The following SGCZ variants were observed in gnomAD, a reference collection of about 807,000 sequenced individuals.
The protein encoded by SGCZ is zeta-sarcoglycan.
SGCZ carries 40 observed loss-of-function variants against 41.3 expected under a neutral mutation model. That is an observed-to-expected ratio of 0.97 (90% CI 0.75 to 1.26). SGCZ has a LOEUF of 1.26. SGCZ is among the 50% of genes most tolerant of loss of function. SGCZ has a pLI of 0.00. For synonymous variants in SGCZ, 206 were observed against 137.5 expected, an observed-to-expected ratio of 1.50 and a Z score of -3.49; for missense variants, 552 against 369.8, an observed-to-expected ratio of 1.49 and a Z score of -4.04.
At chr8:15,118,332 T>C (rs1217807272) in intron 1 of SGCZ, among the ~76,000 whole-genome samples, 1 of 152,158 alleles carries the variant, frequency 6.6e-6, no homozygotes, top group Non-Finnish European at 1.5e-5. Flanking sequence ...GTCTTGGAAC[T>C]TCCAGCTAGT....
Position 15,008,729 on chromosome 8 carries a change from G to A in SGCZ, c.39+228856C>T, listed in dbSNP as rs191577195. ...AAAGGGGAGGAGGGAGGGGAGGAGG[G>A]GGGAGGAGGGAGGGGAAGAGGGGGG... On this transcript the variant is annotated intron_variant, in intron 1 of 7. Transcript: ENST00000382080. Among the ~76,000 whole-genome samples the A allele has an allele frequency of 6.1e-3, 367 of 60,512 alleles. 2 individuals are homozygous for A. The highest frequency in any genetic ancestry group is 0.01 in the East Asian group (12 of 1,162). The allele number at this position is 60,512 out of a possible 152,430, so 39.7% of individuals were successfully genotyped here. A position where few individuals can be genotyped will look rare whatever the true frequency, so the allele number is the denominator to read the frequency against.
intron 1 of SGCZ, among the ~76,000 whole-genome samples, chr8:15,018,641 G>A (rs1306168025): frequency 1.3e-5 from 2 of 152,172 alleles, no homozygotes; most frequent in South Asian, 2.1e-4. Flanking sequence ...GGACAGAGGG[G>A]AGAAGGTAAG....
intron 2 of SGCZ, among the ~76,000 whole-genome samples, chr8:14,432,853 G>T (rs1799981749): frequency 7.1e-6 from 1 of 141,320 alleles, no homozygotes; most frequent in Non-Finnish European, 1.5e-5. Context: ...GGAGGAGGTT[G>T]CAGTAAGCCA....
At position 14,895,044 on chromosome 8, in the gene SGCZ, G is replaced by T. The variant is rs190079119; in HGVS notation, c.40-340118C>A. 7.4e-4 allele frequency among the ~76,000 whole-genome samples: 113 copies of T among 152,284 alleles called. No homozygotes were observed. In the East Asian group the frequency reaches 0.02, roughly 27 times the overall value. On this transcript the variant is annotated intron_variant, in intron 1 of 7. Coordinates refer to ENST00000382080, the MANE Select transcript of SGCZ (RefSeq NM_139167.4). ...AATAATATATTACTTTACTTCAGTT[G>T]TATTAGGAATAACATGAATGATCTA...
At chr8:14,643,462 G>A (rs1173039236) in intron 1 of SGCZ, among the ~76,000 whole-genome samples, 1 of 151,296 alleles carries the variant, frequency 6.6e-6, no homozygotes, top group South Asian at 2.1e-4. Context: ...AATTAGAAGG[G>A]GTAGAGTTTT....
intron 1 of SGCZ, among the ~76,000 whole-genome samples, chr8:14,884,236 TG>T (rs1804702801): frequency 6.6e-6 from 1 of 152,162 alleles, no homozygotes; most frequent in South Asian, 2.1e-4. Flanking sequence ...GAATGTGCAA[TG>T]CATATCCTTC....
At chr8:14,925,151 C>A (rs1799708807) in intron 1 of SGCZ, among the ~76,000 whole-genome samples, 1 of 152,138 alleles carries the variant, frequency 6.6e-6, no homozygotes, top group Non-Finnish European at 1.5e-5. Flanking sequence ...AGGCACCAGG[C>A]CCAGCCAAGA....
intron 1 of SGCZ, among the ~76,000 whole-genome samples, chr8:14,893,829 T>A (rs1333922126): frequency 6.6e-6 from 1 of 152,212 alleles, no homozygotes; most frequent in Non-Finnish European, 1.5e-5. Context: ...TAATAATCAC[T>A]TCTTTACAAG....
At chr8:14,176,405 C>T (rs1804542786) in intron 4 of SGCZ, among the ~76,000 whole-genome samples, 2 of 152,034 alleles carry the variant, frequency 1.3e-5, no homozygotes, top group South Asian at 4.2e-4. Context: ...TAAAATAAGC[C>T]ATGAGCCAAA....
chr8:14,591,858 G>C (rs1054405457), intron 1 of SGCZ, among the ~76,000 whole-genome samples: 2 of 152,028 alleles, frequency 1.3e-5, no homozygotes, highest in African/African-American at 4.8e-5. Flanking sequence ...CTATATTGTC[G>C]ATTATAATTC....
chr8:14,305,934 C>A (rs1801335940), intron 3 of SGCZ, among the ~76,000 whole-genome samples: 1 of 152,206 alleles, frequency 6.6e-6, no homozygotes, highest in South Asian at 2.1e-4. Flanking sequence ...TAACCTCCTA[C>A]TGGATGAGAC....
intron 1 of SGCZ, among the ~76,000 whole-genome samples, chr8:14,680,081 T>C (rs925040102): frequency 5.3e-5 from 8 of 152,120 alleles, no homozygotes; most frequent in African/African-American, 1.7e-4. Context: ...TGTCTAAGTA[T>C]GTGTTTCTCA....
At chr8:14,378,002 G>A (rs1804200157) in intron 2 of SGCZ, among the ~76,000 whole-genome samples, 1 of 149,598 alleles carries the variant, frequency 6.7e-6, no homozygotes, top group Non-Finnish European at 1.5e-5. Context: ...GTGTGCATGT[G>A]TCTTTATAGC....
At chr8:14,449,002 C>G (rs140208364) in intron 2 of SGCZ, among the ~76,000 whole-genome samples, 1 of 152,278 alleles carries the variant, frequency 6.6e-6, no homozygotes, top group East Asian at 1.9e-4. Flanking sequence ...TGTGCAAACA[C>G]AAGTTACATT....
intron 1 of SGCZ, among the ~76,000 whole-genome samples, chr8:14,784,296 C>T (rs1423356813): frequency 6.6e-6 from 1 of 151,966 alleles, no homozygotes; most frequent in African/African-American, 2.4e-5. Context: ...ATGTGATCTT[C>T]CCACTTTGGC....
intron 1 of SGCZ, among the ~76,000 whole-genome samples, chr8:14,700,633 C>G (rs1197873315): frequency 1.3e-5 from 2 of 151,762 alleles, no homozygotes; most frequent in Non-Finnish European, 1.5e-5. Context: ...AAAAATCAAC[C>G]TTTTAATTTA....
intron 1 of SGCZ, among the ~76,000 whole-genome samples, chr8:14,672,874 G>A (rs866929463): frequency 1.3e-5 from 2 of 152,226 alleles, no homozygotes; most frequent in Admixed American, 1.3e-4. Context: ...AAAGGGGTCA[G>A]AAAAATATTT....
intron 1 of SGCZ, among the ~76,000 whole-genome samples, chr8:15,173,311 T>G (rs1447986079): frequency 6.6e-6 from 1 of 152,212 alleles, no homozygotes; most frequent in South Asian, 2.1e-4. Context: ...TTTTTCATCG[T>G]GCAATTTTGA....
intron 2 of SGCZ, among the ~76,000 whole-genome samples, chr8:14,431,779 T>C (rs1301252967): frequency 6.6e-6 from 1 of 152,228 alleles, no homozygotes; most frequent in Admixed American, 6.5e-5. Context: ...TCACAATCTA[T>C]ACATCTGACA....
Sources: gnomAD v4.1 joint callset for allele counts (sites outside exome capture counted in the v4.1 genomes callset) on GRCh38, gnomAD v4.1.1 for gene constraint, MANE v1.5 for transcripts, NCBI Gene and HGNC (gene_info 2026-07-23, HGNC 2026-07-21) for gene names.